The following RIC1 variants were observed in gnomAD, a reference collection of about 807,000 sequenced individuals.
RIC1 encodes guanine nucleotide exchange factor subunit RIC1.
Under a neutral mutation model 169.0 loss-of-function variants are expected in RIC1, and 88 were observed. The ratio of observed to expected loss-of-function variants is 0.52; its 90% CI spans 0.44 to 0.62. RIC1 has a LOEUF of 0.62. RIC1 is among the 20% of genes least tolerant of loss of function. The pLI is 0.00. For synonymous variants in RIC1, 790 were observed against 601.5 expected (o/e 1.31, Z -4.59); for missense variants, 1,877 against 1,725.5 (o/e 1.09, Z -1.56).
intron 1 of RIC1, among the ~76,000 whole-genome samples, chr9:5,645,257 G>T (rs1056521909): frequency 6.6e-6 from 1 of 152,068 alleles, no homozygotes; most frequent in African/African-American, 2.4e-5. Context: ...TCCATAAGTT[G>T]CCCAGGCTGG....
At chr9:5,722,955 C>T (rs1282661647) in intron 6 of RIC1, among the ~76,000 whole-genome samples, 1 of 152,194 alleles carries the variant, frequency 6.6e-6, no homozygotes, top group African/African-American at 2.4e-5. Flanking sequence ...TCCAGTCTGT[C>T]ATTGATGGAC....
intron 4 of RIC1, among the ~76,000 whole-genome samples, chr9:5,714,884 A>G (rs908687478): frequency 2.0e-5 from 3 of 152,188 alleles, no homozygotes; most frequent in African/African-American, 4.8e-5. Flanking sequence ...ATGTAAATGT[A>G]TTGAATTATA....
Position 5,763,896 on chromosome 9 carries a change from A to C in RIC1, c.2841+28A>C. ...AACAATTCTCTTCTTATAAAGGGGC[A>C]AGAATTAATGAGCTTAAACTTAGAA... On this transcript the variant is annotated intron_variant, in intron 19 of 25. Transcript: ENST00000414202. The surrounding 1 kb of genome is among the most constrained non-coding windows in gnomAD (Gnocchi z 5.2). 2 of 1,580,314 alleles carry C rather than the reference A, an allele frequency of 1.3e-6. No homozygotes were observed. The highest frequency in any genetic ancestry group is 1.4e-5 in the African/African-American group (1 of 73,966).
intron 15 of RIC1, among the ~76,000 whole-genome samples, chr9:5,755,920 C>G (rs1586697415): frequency 8.0e-6 from 1 of 125,568 alleles, no homozygotes; most frequent in Admixed American, 8.2e-5. Flanking sequence ...GAGACCCCGT[C>G]TTTAAATAAA....
rs66478510 is a variant in RIC1 at position 5,680,815 on chromosome 9, A to ATTTTTTTTTTTTT, written c.253-9127_253-9115dup. On this transcript the variant is annotated intron_variant, in intron 2 of 25. Coordinates refer to ENST00000414202, the MANE Select transcript of RIC1 (RefSeq NM_020829.4). Reference sequence around the variant, plus strand: ...AGAACACCAGCTCCTGCAGTCATTGATTTTTTTTTTTTTTTTTTTTTTTTT... The same window carrying ATTTTTTTTTTTTT: ...AGAACACCAGCTCCTGCAGTCATTGATTTTTTTTTTTTTTTTTTTTTTTTTTTTTTTTTTTTTT... Among the ~76,000 whole-genome samples, 7 of 57,738 alleles carry ATTTTTTTTTTTTT rather than the reference A, an allele frequency of 1.2e-4. 1 individual carries two copies. Among genetic ancestry groups the ATTTTTTTTTTTTT allele is most frequent in the African/African-American group, 1.7e-4 (3 of 17,390 alleles). The allele number at this position is 57,738 out of a possible 152,430, so 37.9% of individuals were successfully genotyped here.
rs142782600 is a variant in RIC1 at position 5,655,592 on chromosome 9, C to T, written c.145-991C>T. 3.7e-3 allele frequency among the ~76,000 whole-genome samples: 560 copies of T among 152,246 alleles called. 2 individuals are homozygous for T. Among genetic ancestry groups the T allele is most frequent in the South Asian group, 0.016 (76 of 4,818 alleles). ...CTGGGATTACAGGCATGAGCCGTGG[C>T]GCCCGGCCTTGCTCAGCGTTTTTAT... On this transcript the variant is annotated intron_variant, in intron 1 of 25. Transcript: ENST00000414202.
chr9:5,673,849 A>G (rs1158474678), intron 2 of RIC1, among the ~76,000 whole-genome samples: 3 of 152,106 alleles, frequency 2.0e-5, no homozygotes, highest in African/African-American at 4.8e-5. Flanking sequence ...CAATGCAGAC[A>G]TTTAAAATCA....
At chr9:5,729,581 T>C (rs1824232899) in intron 6 of RIC1, among the ~76,000 whole-genome samples, 1 of 152,194 alleles carries the variant, frequency 6.6e-6, no homozygotes, top group South Asian at 2.1e-4. Flanking sequence ...CAAAAACTCT[T>C]TTCTCTTCTA....
chr9:5,641,023 T>A (rs1284771565), intron 1 of RIC1, among the ~76,000 whole-genome samples: 1 of 151,944 alleles, frequency 6.6e-6, no homozygotes, highest in Non-Finnish European at 1.5e-5. Flanking sequence ...TTGCCGTTTT[T>A]AGGATCTTTC....
At chr9:5,711,888 C>G (rs1822952048) in intron 3 of RIC1, among the ~76,000 whole-genome samples, 1 of 152,136 alleles carries the variant, frequency 6.6e-6, no homozygotes, top group African/African-American at 2.4e-5. Context: ...ATCTATGTCC[C>G]TACAAAGGAC....
rs999290063 is a variant in RIC1, at chr9:5,775,818, C to T, written c.*1572C>T. 3.9e-5 allele frequency: 6 copies of T among 152,076 alleles called. No homozygotes were observed. Among genetic ancestry groups the T allele is most frequent in the Non-Finnish European group, 5.9e-5 (4 of 67,982 alleles). The allele number at this position is 152,076 out of a possible 1,614,324, so 9.4% of individuals were successfully genotyped here. ...ATAATATTTCACAAAATGAAACTCCCGAATGGGTGGAGTATGTGATTATTG... is the reference window on the plus strand; with the variant it reads ...ATAATATTTCACAAAATGAAACTCCTGAATGGGTGGAGTATGTGATTATTG... On this transcript the variant is annotated 3_prime_UTR_variant, in exon 26 of 26. Coordinates refer to ENST00000414202, the MANE Select transcript of RIC1 (RefSeq NM_020829.4).
chr9:5,706,768 T>A (rs1428490833), intron 3 of RIC1, among the ~76,000 whole-genome samples: 1 of 152,196 alleles, frequency 6.6e-6, no homozygotes, highest in Non-Finnish European at 1.5e-5. Flanking sequence ...TAACCCATAC[T>A]ATTTTTTTGT....
At chr9:5,735,628 GCTAGT>G (rs1212499396) in intron 7 of RIC1, among the ~76,000 whole-genome samples, 3 of 152,190 alleles carry the variant, frequency 2.0e-5, no homozygotes, top group African/African-American at 7.2e-5. Flanking sequence ...ACCAGTGTCT[GCTAGT>G]CCAGATCTGC....
At chr9:5,757,145 C>T (rs1376474575) in intron 16 of RIC1, among the ~76,000 whole-genome samples, 168 bp from the exon 17 acceptor site, 1 of 152,138 alleles carries the variant, frequency 6.6e-6, no homozygotes, top group South Asian at 2.1e-4. Context: ...TCTGGTTCCC[C>T]TCAACCTTGC....
intron 2 of RIC1, among the ~76,000 whole-genome samples, chr9:5,657,608 A>G (rs996217935): frequency 6.6e-6 from 1 of 152,128 alleles, no homozygotes; most frequent in Admixed American, 6.6e-5. Flanking sequence ...TCCATTTACT[A>G]TATCCTTATA....
Position 5,753,365 on chromosome 9 carries a change from G to A in RIC1, c.1491+127G>A, listed in dbSNP as rs529397069. 4 of 896,056 alleles carry A rather than the reference G, an allele frequency of 4.5e-6. No homozygotes were observed. The African/African-American group carries it at 5.0e-5, about 11-fold the overall frequency. 55.5% of individuals were successfully genotyped at this position (896,056 alleles called of 1,614,324 possible). On this transcript the variant is annotated intron_variant, in intron 13 of 25. Transcript: ENST00000414202. ...CTCTTGATCTATTGTAACATTGCTAGTATATTAACATCTATAATTTTGTCA... is the reference window on the plus strand; with the variant it reads ...CTCTTGATCTATTGTAACATTGCTAATATATTAACATCTATAATTTTGTCA...
At chr9:5,721,279 T>C (rs1319261221) in intron 6 of RIC1, among the ~76,000 whole-genome samples, 2 of 152,180 alleles carry the variant, frequency 1.3e-5, no homozygotes, top group Non-Finnish European at 2.9e-5. Flanking sequence ...CTCCTTAGTT[T>C]AGCTAAAAGC....
chr9:5,727,004 A>G (rs1487589367), intron 6 of RIC1, among the ~76,000 whole-genome samples: 4 of 151,816 alleles, frequency 2.6e-5, no homozygotes, highest in Admixed American at 2.0e-4. Flanking sequence ...CTTCATTTCA[A>G]CTTTGGTGAG....
At chr9:5,656,788 C>A (rs777580864) in intron 2 of RIC1, 98 bp downstream of exon 2, 5 of 694,488 alleles carry the variant, frequency 7.2e-6, no homozygotes, top group Non-Finnish European at 1.3e-5. Flanking sequence ...GTCTTTTGCA[C>A]TCATAAGTAT....
Sources: allele counts gnomAD v4.1 joint callset (sites outside exome capture counted in the v4.1 genomes callset), GRCh38; gene constraint gnomAD v4.1.1; non-coding constraint Gnocchi (gnomAD v3.1); transcripts MANE v1.5; gene names NCBI Gene and HGNC (gene_info 2026-07-23, HGNC 2026-07-21).